NKX2-6: variants seen among roughly 807,000 people sequenced by gnomAD.
NKX2-6 encodes the protein NK2 homeobox 6, also known as homeobox protein Nkx-2.6.
In NKX2-6, 8 loss-of-function variants were observed where a neutral mutation model predicts 8.6. That is an observed-to-expected ratio of 0.93 (90% CI 0.54 to 1.67). NKX2-6 has a LOEUF of 1.67. Ranked by LOEUF, NKX2-6 falls within the 40% of genes most tolerant of loss-of-function variation. The pLI is 0.00. For synonymous variants in NKX2-6, 210 were observed against 199.3 expected (o/e 1.05, Z -0.45); for missense variants, 475 against 423.1 (o/e 1.12, Z -1.08).
rs143039156 is a variant in NKX2-6, at chr8:23,702,971, G to T, written c.386C>A (p.Ala129Glu). Residue 129 changes from alanine to glutamate, a missense_variant, in exon 2 of 2, where the codon GCG becomes GAG. Transcript: ENST00000325017. ...VRGGRSEQPK[A>E]RQRRKPRVLF... is the part of the protein sequence containing the mutation. ...CACGCGCGGCTTCCGTCGTTGCCGC[G>T]CCTTGGGCTGCTCCGAGCGGCCACC... The T allele has an allele frequency of 0.032, 49,115 of 1,544,976 alleles. 957 individuals carry two copies. The highest frequency in any genetic ancestry group is 0.037 in the Non-Finnish European group (42,117 of 1,145,396).
At chr8:23,703,941 A>C (rs1263851576) in intron 1 of NKX2-6, among the ~76,000 whole-genome samples, 1 of 152,128 alleles carries the variant, frequency 6.6e-6, no homozygotes, top group Non-Finnish European at 1.5e-5. Flanking sequence ...AGAAGGCGCA[A>C]ACTCGGTGAC....
rs1801092743 is a variant in NKX2-6, at chr8:23,706,462, A to G, written c.137T>C (p.Met46Thr). 1 of 1,545,316 alleles carries G rather than the reference A, an allele frequency of 6.5e-7. No homozygotes were observed. The highest frequency in any genetic ancestry group is 2.0e-5 in the Admixed American group (1 of 50,984). Residue 46 changes from methionine to threonine, a missense_variant, in exon 1 of 2, where the codon ATG becomes ACG. Physicochemically the swap from Met to Thr is moderately conservative, Grantham distance 81 (BLOSUM62 -1). Coordinates refer to ENST00000325017, the MANE Select transcript of NKX2-6 (RefSeq NM_001136271.3). ...KSPENFQYLR[M>T]DAEPRGSEVH... ...CTCTGACCCTCGCGGCTCTGCGTCC[A>G]TTCTCAGGTACTGAAAGTTTTCCGG...
At chr8:23,704,480 T>G (rs1258104884) in intron 1 of NKX2-6, among the ~76,000 whole-genome samples, 1 of 152,134 alleles carries the variant, frequency 6.6e-6, no homozygotes, top group Non-Finnish European at 1.5e-5. Context: ...TGAGTTTTCA[T>G]GGGATCTCAC....
In NKX2-6 at chr8:23,703,026, C is replaced by A. The variant is rs1039509893; in HGVS notation, c.331G>T (p.Gly111Cys). The change falls in exon 2 of 2, where the codon GGC becomes TGC. Residue 111 changes from glycine to cysteine, a missense_variant. Physicochemically the swap from Gly to Cys is radical, Grantham distance 159. Transcript: ENST00000325017. The stretch of plus-strand genomic sequence containing the variant: ...ACGCTGTCGCCGCTGTTGCCAACGC[C>A]GCGCTCTGGCACCCTGGTCCCGCCG... ...LGGGTRVPERGVGNSGDSVRG... is the reference protein window; with the variant it reads ...LGGGTRVPERCVGNSGDSVRG... 6.5e-7 allele frequency: 1 copy of A among 1,540,560 alleles called. No individual in the cohort carries two copies. The highest frequency in any genetic ancestry group is 2.4e-5 in the East Asian group (1 of 40,822).
At position 23,706,639 on chromosome 8, in the gene NKX2-6, G is replaced by T; in HGVS notation, c.-41C>A. The T allele has an allele frequency of 6.6e-7, 1 of 1,507,872 alleles. No individual in the cohort carries two copies. The highest frequency in any genetic ancestry group is 8.8e-7 in the Non-Finnish European group (1 of 1,130,996). The allele number at this position is 1,507,872 out of a possible 1,614,324, so 93.4% of individuals were successfully genotyped here. A position where few individuals can be genotyped will look rare whatever the true frequency, so the allele number is the denominator to read the frequency against. On this transcript the variant is annotated 5_prime_UTR_variant, in exon 1 of 2. Coordinates refer to ENST00000325017, the MANE Select transcript of NKX2-6 (RefSeq NM_001136271.3). ...GGCGGGGCCGAGGAGGTCCGGGTGAGGAGCGGCACCCTGAACTTCCCGTCT... is the reference window on the plus strand; with the variant it reads ...GGCGGGGCCGAGGAGGTCCGGGTGATGAGCGGCACCCTGAACTTCCCGTCT...
At position 23,706,415 on chromosome 8, in the gene NKX2-6, C is replaced by T. The variant is rs772736284; in HGVS notation, c.184G>A (p.Gly62Ser). The T allele has an allele frequency of 6.4e-7, 1 of 1,550,820 alleles. No homozygotes were observed. The highest frequency in any genetic ancestry group is 1.2e-5 in the South Asian group (1 of 84,068). The change falls in exon 1 of 2, where the codon GGC becomes AGC. Residue 62 changes from glycine (G) to serine (S), a missense_variant. Gly to Ser is a moderately conservative substitution (Grantham distance 56, BLOSUM62 0). Transcript: ENST00000325017. ...GSEVHNAGGG[G>S]GDRKLDGSEP... is the part of the protein sequence containing the mutation. ...GAACCATCCAGCTTTCTGTCACCGCCGCCGCCACCAGCGTTGTGAACCTCT... is the reference window on the plus strand; with the variant it reads ...GAACCATCCAGCTTTCTGTCACCGCTGCCGCCACCAGCGTTGTGAACCTCT...
At chr8:23,703,140 CTACT>C (rs1801036897) in intron 1 of NKX2-6, 58 bp from the exon 2 acceptor site, 11 of 1,491,608 alleles carry the variant, frequency 7.4e-6, no homozygotes, top group African/African-American at 1.4e-5. Context: ...TGAGCGGTTC[CTACT>C]TAGTTTTCAA....
At position 23,702,077 on chromosome 8, in the gene NKX2-6, A is replaced by G. The variant is rs1316223211; in HGVS notation, c.*374T>C. The stretch of plus-strand genomic sequence containing the variant: ...GCCCGCTAGATCACCATCTCCATTC[A>G]CCGCCGATGCCCCGGGGCTGCTGCG... On this transcript the variant is annotated 3_prime_UTR_variant, in exon 2 of 2. Transcript: ENST00000325017. Among the ~76,000 whole-genome samples the G allele has an allele frequency of 6.6e-6, 1 of 151,436 alleles. No homozygotes were observed. The highest frequency in any genetic ancestry group is 1.5e-5 in the Non-Finnish European group (1 of 67,922).
chr8:23,706,322 C>T lies in NKX2-6; in HGVS notation c.274+3G>A, dbSNP rs1288130966. ...AGGAGGCAAGACCTGAGCGCTTACT[C>T]ACGTGGCTCCCCCATCCGTTCCGCG... On this transcript the variant is annotated splice_donor_region_variant and intron_variant, in intron 1 of 1. Transcript: ENST00000325017. The T allele has an allele frequency of 1.9e-6, 3 of 1,543,826 alleles. No individual in the cohort carries two copies. Among genetic ancestry groups the T allele is most frequent in the Non-Finnish European group, 2.6e-6 (3 of 1,141,876 alleles).
rs926866298 is a variant in NKX2-6, at chr8:23,706,378, C to T, written c.221G>A (p.Gly74Glu). The change falls in exon 1 of 2, where the codon GGG becomes GAG. Residue 74 changes from glycine to glutamate, a missense_variant. Gly to Glu is a moderately conservative substitution (Grantham distance 98, BLOSUM62 -2). Transcript: ENST00000325017. The part of the protein sequence containing the change: ...DRKLDGSEPP[G>E]GPCEAVLEMD... ...CTCCAAGACTGCCTCACAGGGACCC[C>T]CAGGAGGCTCCGAACCATCCAGCTT... 6.4e-6 allele frequency: 10 copies of T among 1,551,590 alleles called. No homozygotes were observed. In the Admixed American group the frequency reaches 1.6e-4, roughly 24 times the overall value.
At position 23,706,538 on chromosome 8, in the gene NKX2-6, G is replaced by C. The variant is rs1339100081; in HGVS notation, c.61C>G (p.Arg21Gly). The C allele has an allele frequency of 1.8e-5, 28 of 1,536,850 alleles. No individual in the cohort carries two copies. The highest frequency in any genetic ancestry group is 2.4e-5 in the Non-Finnish European group (28 of 1,146,914). ...FSVKDILRLE[R>G]ERSCPAASPH... The stretch of plus-strand genomic sequence containing the variant: ...GAAGCCGCGGGGCAGCTCCGCTCGC[G>C]CTCCAGTCGCAGGATGTCCTTGACC... The change falls in exon 1 of 2, where the codon CGC (arginine) becomes GGC (glycine). Residue 21 changes from arginine (R) to glycine (G), a missense_variant. By Grantham distance (125) the Arg-to-Gly change is moderately radical. Transcript: ENST00000325017.
rs1444907797 is a variant in NKX2-6, at chr8:23,702,575, G to C, written c.782C>G (p.Ala261Gly). The C allele has an allele frequency of 6.5e-7, 1 of 1,544,228 alleles. No individual in the cohort carries two copies. Among genetic ancestry groups the C allele is most frequent in the Non-Finnish European group, 8.7e-7 (1 of 1,146,250 alleles). The change falls in exon 2 of 2, where the codon GCG becomes GGG. Residue 261 changes from alanine (A) to glycine (G), a missense_variant. By Grantham distance (60) the Ala-to-Gly change is moderately conservative (BLOSUM62 0). Coordinates refer to ENST00000325017, the MANE Select transcript of NKX2-6 (RefSeq NM_001136271.3). ...TGGCGCAGGACCCGAGGGCGCGCCC[G>C]CGTAGCAGGTGCCGTAGCCTGCGCC... ...PYGAGYGTCY[A>G]GAPSGPAPHT...
chr8:23,702,448 G>A lies in NKX2-6; in HGVS notation c.*3C>T, dbSNP rs1307849139. ...CTGGTTGGCAGAGTCAAGCCGAGGA[G>A]CCTCACCAGGCCCTGACACCCTGCA... is the stretch of plus-strand genomic sequence containing the variant. On this transcript the variant is annotated 3_prime_UTR_variant, in exon 2 of 2. Coordinates refer to ENST00000325017, the MANE Select transcript of NKX2-6 (RefSeq NM_001136271.3). The A allele has an allele frequency of 4.1e-6, 6 of 1,449,070 alleles. No individual in the cohort carries two copies. Among genetic ancestry groups the A allele is most frequent in the African/African-American group, 2.8e-5 (2 of 70,428 alleles). The allele number at this position is 1,449,070 out of a possible 1,614,324, so 89.8% of individuals were successfully genotyped here.
chr8:23,705,950 G>A (rs1303633916), intron 1 of NKX2-6, among the ~76,000 whole-genome samples: 7 of 152,290 alleles, frequency 4.6e-5, no homozygotes, highest in East Asian at 1.9e-4. Context: ...ACCAGGTGAT[G>A]GTAGGGAAGG....
rs750925637 is a variant in NKX2-6 at position 23,702,516 on chromosome 8, C to T, written c.841G>A (p.Gly281Ser). ...CCCTGCGGGGTGGCATTCTGGCCAC[C>T]GTGTCCGAAGCCCGCGCTGGCCAGT... is the stretch of plus-strand genomic sequence containing the variant. ...TPLASAGFGH[G>S]GQNATPQGHL... The change falls in exon 2 of 2, where the codon GGT (glycine) becomes AGT (serine). Residue 281 changes from glycine to serine, a missense_variant. Gly to Ser is a moderately conservative substitution (Grantham distance 56). Transcript: ENST00000325017. The T allele has an allele frequency of 6.5e-6, 10 of 1,532,980 alleles. No individual in the cohort carries two copies. The highest frequency in any genetic ancestry group is 6.0e-5 in the South Asian group (5 of 83,326). 95.0% of individuals were successfully genotyped at this position (1,532,980 alleles called of 1,614,324 possible). A position where few individuals can be genotyped will look rare whatever the true frequency, so the allele number is the denominator to read the frequency against.
At chr8:23,706,088 G>C (rs1014658314) in intron 1 of NKX2-6, among the ~76,000 whole-genome samples, 1 of 152,174 alleles carries the variant, frequency 6.6e-6, no homozygotes, top group African/African-American at 2.4e-5. Flanking sequence ...AGCGGATTTG[G>C]GAAAAGTGAA....
chr8:23,706,523 G>C lies in NKX2-6; in HGVS notation c.76C>G (p.Pro26Ala), dbSNP rs1563305195. 1 of 1,537,370 alleles carries C rather than the reference G, an allele frequency of 6.5e-7. No homozygotes were observed. The highest frequency in any genetic ancestry group is 8.7e-7 in the Non-Finnish European group (1 of 1,146,940). ...ACCCGCGGATGTGGCGAAGCCGCGG[G>C]GCAGCTCCGCTCGCGCTCCAGTCGC... ...ILRLERERSC[P>A]AASPHPRVRK... is the part of the protein sequence containing the mutation. Residue 26 changes from proline to alanine, a missense_variant, in exon 1 of 2, where the codon CCC becomes GCC. Physicochemically the swap from Pro to Ala is conservative, Grantham distance 27 (BLOSUM62 -1). Coordinates refer to ENST00000325017, the MANE Select transcript of NKX2-6 (RefSeq NM_001136271.3).
rs1406938217 is a variant in NKX2-6, at chr8:23,702,663, TG to T, written c.693del (p.Ser232AlafsTer94). 1 of 1,550,620 alleles carries T rather than the reference TG, an allele frequency of 6.4e-7. No individual in the cohort carries two copies. ...GGCGACACTGCTGCACTGTAGGGGC[TG>T]GGGAAGGCAGGTGCGCCGGGCCCGG... ...LGPGPGAPAFPSPYSAAVSPY... is the reference protein window; with the variant it reads ...LGPGPGAPAFXSPYSAAVSPY... On this transcript the variant is annotated frameshift_variant, in exon 2 of 2. Coordinates refer to ENST00000325017, the MANE Select transcript of NKX2-6 (RefSeq NM_001136271.3). LOFTEE classifies it low-confidence loss of function (END_TRUNC).
Position 23,702,073 on chromosome 8 carries a change from A to G in NKX2-6, c.*378T>C, listed in dbSNP as rs1801013936. On this transcript the variant is annotated 3_prime_UTR_variant, in exon 2 of 2. Coordinates refer to ENST00000325017, the MANE Select transcript of NKX2-6 (RefSeq NM_001136271.3). ...GTAGGCCCGCTAGATCACCATCTCC[A>G]TTCACCGCCGATGCCCCGGGGCTGC... Among the ~76,000 whole-genome samples, 4 of 151,404 alleles carry G rather than the reference A, an allele frequency of 2.6e-5. No individual in the cohort carries two copies. In the South Asian group the frequency reaches 8.4e-4, roughly 32 times the overall value.
Sources: gnomAD v4.1 joint callset for allele counts (sites outside exome capture counted in the v4.1 genomes callset) on GRCh38, gnomAD v4.1.1 for gene constraint, MANE v1.5 for transcripts, NCBI Gene and HGNC (gene_info 2026-07-23, HGNC 2026-07-21) for gene names.